The following RALYL variants were observed in gnomAD, a reference collection of about 807,000 sequenced individuals.
RALYL encodes the protein RALY RNA binding protein like.
Under a neutral mutation model 35.1 loss-of-function variants are expected in RALYL, and 29 were observed. That is an observed-to-expected ratio of 0.83 (90% CI 0.61 to 1.13). The LOEUF is 1.13. Ranked by LOEUF, RALYL falls within the 50% of genes most tolerant of loss-of-function variation. RALYL has a pLI of 0.00. For missense variants in RALYL, 359 were observed against 360.4 expected, an observed-to-expected ratio of 1.00 and a Z score of 0.03; for synonymous variants, 120 against 127.6, an observed-to-expected ratio of 0.94 and a Z score of 0.40.
At chr8:84,697,402 T>C (rs955348889) in intron 2 of RALYL, among the ~76,000 whole-genome samples, 8 of 152,052 alleles carry the variant, frequency 5.3e-5, no homozygotes, top group African/African-American at 1.9e-4. Flanking sequence ...TCTGACATAA[T>C]GTTATCTCTT....
At chr8:84,348,360 G>A (rs1416615279) in intron 1 of RALYL, among the ~76,000 whole-genome samples, 2 of 152,054 alleles carry the variant, frequency 1.3e-5, no homozygotes, top group Non-Finnish European at 2.9e-5. Context: ...AAGTTGGCTT[G>A]CATGCACTTT....
At chr8:84,887,976 A>G (rs150236434) in intron 8 of RALYL, among the ~76,000 whole-genome samples, 200 bp downstream of exon 8, 78 of 152,358 alleles carry the variant, frequency 5.1e-4, no homozygotes, top group African/African-American at 1.8e-3. Flanking sequence ...GAAAGTCTAA[A>G]TGAAGGAGCA....
chr8:84,229,047 A>G lies in RALYL; in HGVS notation c.-24+44623A>G, dbSNP rs16912566. 2.4e-3 allele frequency among the ~76,000 whole-genome samples: 367 copies of G among 152,302 alleles called. 3 individuals carry two copies. The highest frequency in any genetic ancestry group is 6.8e-3 in the Middle Eastern group (2 of 294). On this transcript the variant is annotated intron_variant, in intron 1 of 8. Coordinates refer to ENST00000521268, the MANE Select transcript of RALYL (RefSeq NM_173848.7). ...ATGTAAGCACTTCTGCACCATTGCCATACTCAGGCTCCAGCTTTTTATGGA... is the reference window on the plus strand; with the variant it reads ...ATGTAAGCACTTCTGCACCATTGCCGTACTCAGGCTCCAGCTTTTTATGGA...
chr8:84,472,297 A>G (rs534604400), intron 1 of RALYL, among the ~76,000 whole-genome samples: 110 of 152,300 alleles, frequency 7.2e-4, no homozygotes, highest in African/African-American at 2.3e-3. Flanking sequence ...AGATAGGTAT[A>G]TGAATTTTTA....
At chr8:84,506,885 G>A (rs983413278) in intron 1 of RALYL, among the ~76,000 whole-genome samples, 1 of 151,868 alleles carries the variant, frequency 6.6e-6, no homozygotes, top group African/African-American at 2.4e-5. Context: ...TCTTCTGAAG[G>A]TAACAAAGGT....
chr8:84,236,868 T>C (rs1023146431), intron 1 of RALYL, among the ~76,000 whole-genome samples: 2 of 152,190 alleles, frequency 1.3e-5, no homozygotes, highest in African/African-American at 2.4e-5. Flanking sequence ...GGAGATGATG[T>C]GTACTTCAAT....
In RALYL at chr8:84,469,148, C is replaced by CAA. The variant is rs1186951054; in HGVS notation, c.-23-60150_-23-60149insAA. ...CTGAAGCCTTCTTCTCTCAGCTCGT[C>CAA]AGTCATTCTCCATCCAGTTTTGTTC... On this transcript the variant is annotated intron_variant, in intron 1 of 8. Transcript: ENST00000521268. 2.4e-4 allele frequency among the ~76,000 whole-genome samples: 36 copies of CAA among 152,086 alleles called. 1 individual carries two copies. In the South Asian group the frequency reaches 5.8e-3, roughly 25 times the overall value.
At chr8:84,549,153 A>C (rs1438352013) in intron 2 of RALYL, among the ~76,000 whole-genome samples, 3 of 152,174 alleles carry the variant, frequency 2.0e-5, no homozygotes, top group Non-Finnish European at 4.4e-5. Flanking sequence ...AGCGGGTAAT[A>C]ATTTCTCTCC....
chr8:84,345,116 G>A (rs1480676468), intron 1 of RALYL, among the ~76,000 whole-genome samples: 1 of 140,786 alleles, frequency 7.1e-6, no homozygotes, highest in Non-Finnish European at 1.6e-5. Context: ...TTTTTTTTTA[G>A]GAACTTCCAT....
intron 1 of RALYL, among the ~76,000 whole-genome samples, chr8:84,348,752 C>T (rs1850319347): frequency 7.3e-6 from 1 of 136,722 alleles, no homozygotes; most frequent in African/African-American, 2.9e-5. Context: ...AAGTTCTGAG[C>T]CTATAATAGA....
chr8:84,579,489 A>G (rs1242884533), intron 2 of RALYL, among the ~76,000 whole-genome samples: 1 of 151,922 alleles, frequency 6.6e-6, no homozygotes, highest in East Asian at 1.9e-4. Context: ...GCACTTGCTG[A>G]CTCTGTGGAG....
rs1831552323 is a variant in RALYL at position 84,664,375 on chromosome 8, A to C, written c.257-110204A>C. Reference sequence around the variant, plus strand: ...TTTTTCTAGTTCTGTGAAGAATATCAGTGGTAGTTTAGTGAGAATAGCATT... The same window carrying C: ...TTTTTCTAGTTCTGTGAAGAATATCCGTGGTAGTTTAGTGAGAATAGCATT... On this transcript the variant is annotated intron_variant, in intron 2 of 8. Coordinates refer to ENST00000521268, the MANE Select transcript of RALYL (RefSeq NM_173848.7). 4.8e-5 allele frequency among the ~76,000 whole-genome samples: 7 copies of C among 145,460 alleles called. No homozygotes were observed. The Admixed American group carries it at 5.1e-4, about 11-fold the overall frequency.
At chr8:84,747,870 C>G (rs912224238) in intron 2 of RALYL, among the ~76,000 whole-genome samples, 2 of 151,876 alleles carry the variant, frequency 1.3e-5, no homozygotes, top group Non-Finnish European at 2.9e-5. Flanking sequence ...AAAAAAATAA[C>G]CTGGGACCTT....
chr8:84,784,276 A>C (rs1437559727), intron 3 of RALYL, among the ~76,000 whole-genome samples: 1 of 152,216 alleles, frequency 6.6e-6, no homozygotes. Flanking sequence ...ACAATTTGAC[A>C]ATGTGTAGAA....
chr8:84,523,324 G>A (rs534114785), intron 1 of RALYL, among the ~76,000 whole-genome samples: 176 of 151,688 alleles, frequency 1.2e-3, no homozygotes, highest in African/African-American at 3.7e-3. Context: ...ACACTCATGA[G>A]ACTTATTCAT....
intron 1 of RALYL, among the ~76,000 whole-genome samples, chr8:84,488,147 A>T (rs1205853786): frequency 6.6e-6 from 1 of 152,096 alleles, no homozygotes; most frequent in Admixed American, 6.6e-5. Flanking sequence ...GAATATTTTC[A>T]TGGTACAAAT....
At chr8:84,705,816 TAGA>T in intron 2 of RALYL, 1 of 1,032,468 alleles carries the variant, frequency 9.7e-7, no homozygotes, top group Non-Finnish European at 1.3e-6. Flanking sequence ...CAATTTTCCC[TAGA>T]AGATTTACAT....
intron 7 of RALYL, among the ~76,000 whole-genome samples, chr8:84,884,761 T>C (rs1842703502): frequency 6.6e-6 from 1 of 152,128 alleles, no homozygotes. Context: ...AAAAAATTTA[T>C]AAGATTCAAA....
At chr8:84,504,975 G>T (rs2057040574) in intron 1 of RALYL, among the ~76,000 whole-genome samples, 2 of 152,122 alleles carry the variant, frequency 1.3e-5, no homozygotes, top group Admixed American at 6.6e-5. Context: ...CAATGGGGAA[G>T]AATTTAAACC....
Sources: gnomAD v4.1 joint callset for allele counts (sites outside exome capture counted in the v4.1 genomes callset) on GRCh38, gnomAD v4.1.1 for gene constraint, MANE v1.5 for transcripts, NCBI Gene and HGNC (gene_info 2026-07-23, HGNC 2026-07-21) for gene names.